STK32B: variants seen among roughly 807,000 people sequenced by gnomAD.
STK32B encodes the protein serine/threonine kinase 32B.
STK32B carries 43 observed loss-of-function variants against 52.6 expected under a neutral mutation model. The ratio of observed to expected loss-of-function variants is 0.82; its 90% CI spans 0.64 to 1.05. The LOEUF (loss-of-function observed/expected upper bound fraction) is 1.05, where lower values mean the gene tolerates loss of function less well. STK32B is among the 50% of genes least tolerant of loss of function. The pLI is 0.00. For synonymous variants in STK32B, 238 were observed against 204.3 expected (o/e 1.17, Z -1.41); for missense variants, 621 against 534.6 (o/e 1.16, Z -1.59).
chr4:5,264,164 T>C (rs1467344080), intron 3 of STK32B, among the ~76,000 whole-genome samples: 1 of 152,218 alleles, frequency 6.6e-6, no homozygotes, highest in Non-Finnish European at 1.5e-5. Context: ...TTCATTTCTC[T>C]TGAGTAAATA....
intron 4 of STK32B, among the ~76,000 whole-genome samples, chr4:5,383,248 A>ATGCTGTGCCTC (rs1350780687): frequency 1.3e-5 from 2 of 152,204 alleles, no homozygotes; most frequent in East Asian, 3.9e-4. Context: ...ATACGTATTC[A>ATGCTGTGCCTC]TGCTGTGCCT....
chr4:5,088,872 T>G (rs1712887222), intron 1 of STK32B, among the ~76,000 whole-genome samples: 1 of 151,600 alleles, frequency 6.6e-6, no homozygotes, highest in Admixed American at 6.6e-5. Context: ...AACCTAATCT[T>G]TCACTTTAAG....
chr4:5,044,492 CCT>C, the STK32B span, among the ~76,000 whole-genome samples: 4 of 152,178 alleles, frequency 2.6e-5, no homozygotes, highest in African/African-American at 4.8e-5. Context: ...CTCAGCCTCC[CCT>C]GTCTTCATCC....
intron 6 of STK32B, among the ~76,000 whole-genome samples, chr4:5,445,780 A>T (rs1715347189): frequency 6.6e-6 from 1 of 151,966 alleles, no homozygotes. Context: ...GTTTTCAGCA[A>T]CCCCAAAGGA....
rs1577445446 is a variant in STK32B, at chr4:5,399,194, A to G, written c.472+950A>G. 6.6e-6 allele frequency among the ~76,000 whole-genome samples: 1 copy of G among 152,194 alleles called. No individual in the cohort carries two copies. Among genetic ancestry groups the G allele is most frequent in the South Asian group, 2.1e-4 (1 of 4,822 alleles). Reference sequence around the variant, plus strand: ...AGGGGCCCGTCTCTCAGGGCCTAACATGGGGTTGGCTGGAGGGAGCAGGTG... The same window carrying G: ...AGGGGCCCGTCTCTCAGGGCCTAACGTGGGGTTGGCTGGAGGGAGCAGGTG... On this transcript the variant is annotated intron_variant, in intron 5 of 11. Coordinates refer to ENST00000282908, the MANE Select transcript of STK32B (RefSeq NM_018401.3). This position sits in a 1 kb window ranked among gnomAD's most constrained non-coding sequence, Gnocchi z 5.4.
intron 3 of STK32B, among the ~76,000 whole-genome samples, chr4:5,330,469 T>C (rs541857573): frequency 6.6e-6 from 1 of 152,308 alleles, no homozygotes; most frequent in African/African-American, 2.4e-5. Context: ...TAAAACTTAA[T>C]GGTGTGAAAA....
chr4:5,379,805 CTA>C (rs1735820334), intron 4 of STK32B, among the ~76,000 whole-genome samples: 1 of 152,144 alleles, frequency 6.6e-6, no homozygotes, highest in Admixed American at 6.5e-5. Context: ...CTTTTGGACT[CTA>C]GAATGGTGAG....
At chr4:5,318,251 T>A (rs1014058422) in intron 3 of STK32B, among the ~76,000 whole-genome samples, 2 of 152,040 alleles carry the variant, frequency 1.3e-5, no homozygotes, top group African/African-American at 4.8e-5. Flanking sequence ...TATAGGGGCT[T>A]AGAAAAAATT....
chr4:5,226,975 A>T (rs1723920327), intron 3 of STK32B, among the ~76,000 whole-genome samples: 1 of 152,206 alleles, frequency 6.6e-6, no homozygotes, highest in Admixed American at 6.5e-5. Flanking sequence ...CAGGGAGGAA[A>T]TGCCATTGTT....
intron 3 of STK32B, among the ~76,000 whole-genome samples, chr4:5,306,380 G>A (rs1389192546): frequency 1.3e-5 from 2 of 152,060 alleles, no homozygotes; most frequent in African/African-American, 4.8e-5. Flanking sequence ...ATGAATTTGG[G>A]AACTCCAGCG....
At chr4:5,111,139 G>GCTCCACATGA (rs1714381694) in intron 1 of STK32B, among the ~76,000 whole-genome samples, 2 of 152,212 alleles carry the variant, frequency 1.3e-5, no homozygotes, top group African/African-American at 4.8e-5. Context: ...CGTGGAGAAA[G>GCTCCACATGA]GCAAATGCTC....
chr4:5,025,499 G>T, the STK32B span, among the ~76,000 whole-genome samples: 1 of 152,110 alleles, frequency 6.6e-6, no homozygotes, highest in African/African-American at 2.4e-5. Context: ...CTAACTCATT[G>T]GTGTGTAAAT....
At position 5,249,305 on chromosome 4, in the gene STK32B, A is replaced by T. The variant is rs58467923; in HGVS notation, c.260+80855A>T. On this transcript the variant is annotated intron_variant, in intron 3 of 11. Coordinates refer to ENST00000282908, the MANE Select transcript of STK32B (RefSeq NM_018401.3). ...TATAGAACGGGGTTCAGAGAAGTTAATTTTATTAAGGTCACACAACTAAGA... is the reference window on the plus strand; with the variant it reads ...TATAGAACGGGGTTCAGAGAAGTTATTTTTATTAAGGTCACACAACTAAGA... Among the ~76,000 whole-genome samples, 683 of 152,310 alleles carry T rather than the reference A, an allele frequency of 4.5e-3. 2 individuals are homozygous for T. Among genetic ancestry groups the T allele is most frequent in the African/African-American group, 0.015 (623 of 41,562 alleles).
intron 1 of STK32B, among the ~76,000 whole-genome samples, chr4:5,105,649 C>T (rs749653479): frequency 4.4e-4 from 67 of 152,052 alleles, no homozygotes; most frequent in Non-Finnish European, 8.1e-4. Flanking sequence ...CTGCAAGCTC[C>T]GCCTCCCGGG....
chr4:5,136,428 A>T (rs1268031756), intron 1 of STK32B, among the ~76,000 whole-genome samples: 1 of 152,202 alleles, frequency 6.6e-6, no homozygotes, highest in Non-Finnish European at 1.5e-5. Context: ...TCAAGAATGT[A>T]CTTCACCTCC....
chr4:5,124,312 C>T (rs1243344610), intron 1 of STK32B, among the ~76,000 whole-genome samples: 1 of 152,218 alleles, frequency 6.6e-6, no homozygotes, highest in Non-Finnish European at 1.5e-5. Context: ...CTGCTCTTCT[C>T]TGTAAAACCA....
the STK32B span, among the ~76,000 whole-genome samples, chr4:5,028,867 G>A: frequency 3.3e-5 from 5 of 152,138 alleles, no homozygotes; most frequent in South Asian, 2.1e-4. Context: ...CTTATGGTTC[G>A]GTAAGCTATA....
chr4:5,192,639 G>A (rs1440557462), intron 3 of STK32B, among the ~76,000 whole-genome samples: 1 of 152,210 alleles, frequency 6.6e-6, no homozygotes, highest in Non-Finnish European at 1.5e-5. Flanking sequence ...CCAACGTGAT[G>A]TTTTGATATG....
intron 3 of STK32B, among the ~76,000 whole-genome samples, chr4:5,281,338 G>A (rs1353714555): frequency 6.6e-6 from 1 of 152,096 alleles, no homozygotes; most frequent in African/African-American, 2.4e-5. Flanking sequence ...AACTAACACA[G>A]GAGCAGAAAA....
Sources: allele counts gnomAD v4.1 joint callset (sites outside exome capture counted in the v4.1 genomes callset), GRCh38; gene constraint gnomAD v4.1.1; non-coding constraint Gnocchi (gnomAD v3.1); transcripts MANE v1.5; gene names NCBI Gene and HGNC (gene_info 2026-07-23, HGNC 2026-07-21).